THRB: variants seen among roughly 807,000 people sequenced by gnomAD.
THRB encodes nuclear receptor subfamily 1 group A member 2.
In THRB, 12 loss-of-function variants were observed where a neutral mutation model predicts 47.8. The ratio of observed to expected loss-of-function variants is 0.25; its 90% CI spans 0.16 to 0.41. The LOEUF is 0.41. Among genes scored for constraint, THRB ranks in the 10% least tolerant of loss-of-function variants. The pLI is 1.00. For missense variants in THRB, 348 were observed against 589.2 expected, an observed-to-expected ratio of 0.59 and a Z score of 4.24; for synonymous variants, 218 against 212.2, an observed-to-expected ratio of 1.03 and a Z score of -0.24.
chr3:24,357,130 T>C (rs59263745), intron 1 of THRB, among the ~76,000 whole-genome samples: 5,113 of 151,110 alleles, frequency 0.034, 168 homozygotes, highest in African/African-American at 0.081. Flanking sequence ...TGAGGTGGTA[T>C]CCTTGACTCA....
At chr3:24,281,609 T>C (rs1487254455) in intron 3 of THRB, among the ~76,000 whole-genome samples, 1 of 108,922 alleles carries the variant, frequency 9.2e-6, no homozygotes, top group African/African-American at 3.1e-5. Flanking sequence ...GTAAATGGAC[T>C]AAATGCTCCA....
At chr3:24,275,279 A>AT (rs2053793976) in intron 3 of THRB, among the ~76,000 whole-genome samples, 1 of 152,212 alleles carries the variant, frequency 6.6e-6, no homozygotes, top group South Asian at 2.1e-4. Flanking sequence ...TGCTCTGTGC[A>AT]TTTTCCCAAG....
At chr3:24,346,742 G>A (rs1439491054) in intron 1 of THRB, among the ~76,000 whole-genome samples, 2 of 152,014 alleles carry the variant, frequency 1.3e-5, no homozygotes, top group Non-Finnish European at 2.9e-5. Context: ...CGCTAAATCT[G>A]AATGTACCTA....
chr3:24,276,460 AT>A (rs1327349137), intron 3 of THRB, among the ~76,000 whole-genome samples: 1 of 152,162 alleles, frequency 6.6e-6, no homozygotes, highest in Non-Finnish European at 1.5e-5. Flanking sequence ...ATTTCTCAAC[AT>A]TTTTACCTTG....
intron 3 of THRB, among the ~76,000 whole-genome samples, chr3:24,267,526 T>C (rs532547251): frequency 4.0e-4 from 61 of 152,194 alleles, no homozygotes; most frequent in Non-Finnish European, 6.8e-4. Flanking sequence ...ATGCACTTCC[T>C]TGTAAAATCC....
chr3:24,136,109 CAT>C (rs994573684), intron 8 of THRB, among the ~76,000 whole-genome samples: 3 of 150,962 alleles, frequency 2.0e-5, no homozygotes, highest in African/African-American at 7.3e-5. Context: ...CCACTTGTGA[CAT>C]GTGTAAAGAT....
intron 10 of THRB, among the ~76,000 whole-genome samples, chr3:24,126,221 G>A (rs537131986): frequency 4.6e-5 from 7 of 152,088 alleles, no homozygotes; most frequent in African/African-American, 1.7e-4. Context: ...AGTGAGACCT[G>A]TTTCTCTCTA....
chr3:24,380,711 T>A (rs1311819312), intron 1 of THRB, among the ~76,000 whole-genome samples: 1 of 152,160 alleles, frequency 6.6e-6, no homozygotes, highest in Non-Finnish European at 1.5e-5. Flanking sequence ...TTCTAATACA[T>A]TATCTGACTT....
intron 2 of THRB, among the ~76,000 whole-genome samples, chr3:24,304,106 G>T (rs2057160640): frequency 6.6e-6 from 1 of 151,918 alleles, no homozygotes; most frequent in African/African-American, 2.4e-5. Context: ...TTAGCTTTGG[G>T]AAATGATTTT....
chr3:24,341,231 C>CTTT (rs5847287), intron 1 of THRB, among the ~76,000 whole-genome samples: 6,510 of 103,908 alleles, frequency 0.063, 950 homozygotes, highest in African/African-American at 0.24. Context: ...ATGAGATTAC[C>CTTT]TTTTTTTTTT....
chr3:24,464,505 A>G (rs2073975862), intron 1 of THRB, among the ~76,000 whole-genome samples: 1 of 152,022 alleles, frequency 6.6e-6, no homozygotes, highest in Admixed American at 6.5e-5. Flanking sequence ...AAACTTTTTG[A>G]GTTACTATTT....
rs923230500 is a variant in THRB, at chr3:24,419,554, T to C, written c.-261+75098A>G. On this transcript the variant is annotated intron_variant, in intron 1 of 10. Transcript: ENST00000646209. The stretch of plus-strand genomic sequence containing the variant: ...CTATTTGAGACTCAGAGAAGCCAAA[T>C]GACTTAGCCAAGGTTATCTAAAGTT... Among the ~76,000 whole-genome samples, 4 of 152,032 alleles carry C rather than the reference T, an allele frequency of 2.6e-5. No individual in the cohort carries two copies. In the Middle Eastern group the frequency reaches 0.01, roughly 388 times the overall value.
At chr3:24,271,315 T>C (rs2053302991) in intron 3 of THRB, among the ~76,000 whole-genome samples, 1 of 152,170 alleles carries the variant, frequency 6.6e-6, no homozygotes, top group Admixed American at 6.5e-5. Flanking sequence ...CTGTTCTATC[T>C]CTCAGGATCA....
chr3:24,369,095 G>A (rs929840829), intron 1 of THRB, among the ~76,000 whole-genome samples: 1 of 151,956 alleles, frequency 6.6e-6, no homozygotes, highest in Non-Finnish European at 1.5e-5. Context: ...TCAAACTCCT[G>A]GCCTCAAGCA....
chr3:24,119,956 G>A lies in THRB; in HGVS notation c.*2928C>T, dbSNP rs1224011296. 1 of 152,344 alleles carries A rather than the reference G, an allele frequency of 6.6e-6. No individual in the cohort carries two copies. The highest frequency in any genetic ancestry group is 6.5e-5 in the Admixed American group (1 of 15,302). 9.4% of individuals were successfully genotyped at this position (152,344 alleles called of 1,614,324 possible). Reference sequence around the variant, plus strand: ...ATAAATACAAATCCCAGCATAATGGGTGTGTTCTCCTCTACTGAGACGTCT... The same window carrying A: ...ATAAATACAAATCCCAGCATAATGGATGTGTTCTCCTCTACTGAGACGTCT... On this transcript the variant is annotated 3_prime_UTR_variant, in exon 11 of 11. Coordinates refer to ENST00000646209, the MANE Select transcript of THRB (RefSeq NM_001354712.2).
intron 1 of THRB, among the ~76,000 whole-genome samples, chr3:24,434,147 A>G (rs913902474): frequency 2.0e-5 from 3 of 152,168 alleles, no homozygotes; most frequent in African/African-American, 7.2e-5. Flanking sequence ...CATGCTTTAA[A>G]AAAAGGAAGA....
chr3:24,408,594 A>G (rs909373013), intron 1 of THRB, among the ~76,000 whole-genome samples: 7 of 151,878 alleles, frequency 4.6e-5, no homozygotes, highest in African/African-American at 1.7e-4. Flanking sequence ...AAACCCAAGC[A>G]TATGTTTGAG....
At chr3:24,231,635 C>G (rs575104552) in intron 3 of THRB, among the ~76,000 whole-genome samples, 1 of 152,214 alleles carries the variant, frequency 6.6e-6, no homozygotes, top group East Asian at 1.9e-4. Flanking sequence ...AATTTTCCTT[C>G]AGTGAGCTCT....
At chr3:24,305,106 A>G (rs1018456681) in intron 2 of THRB, among the ~76,000 whole-genome samples, 7 of 152,236 alleles carry the variant, frequency 4.6e-5, no homozygotes, top group Non-Finnish European at 1.0e-4. Context: ...AGTCTAGCCC[A>G]TTGAAAAAGA....
Sources: allele counts gnomAD v4.1 joint callset (sites outside exome capture counted in the v4.1 genomes callset), GRCh38; gene constraint gnomAD v4.1.1; transcripts MANE v1.5; gene names NCBI Gene and HGNC (gene_info 2026-07-23, HGNC 2026-07-21).